The following ATP2C2 variants were observed in gnomAD, a reference collection of about 807,000 sequenced individuals.
The protein encoded by ATP2C2 is calcium-transporting ATPase type 2C member 2.
A neutral mutation model predicts 110.8 loss-of-function variants in ATP2C2; 171 were observed. That is an observed-to-expected ratio of 1.54 (90% CI 1.36 to 1.75). The LOEUF (loss-of-function observed/expected upper bound fraction) is 1.75. ATP2C2 is among the 40% of genes most tolerant of loss of function. The probability of loss-of-function intolerance (pLI) is 0.00; values close to 1 mark genes in which losing one functional copy is unlikely to be tolerated. For synonymous variants in ATP2C2, 804 were observed against 508.4 expected, an observed-to-expected ratio of 1.58 and a Z score of -7.82; for missense variants, 1,963 against 1,235.0, an observed-to-expected ratio of 1.59 and a Z score of -8.84.
intron 1 of ATP2C2, among the ~76,000 whole-genome samples, chr16:84,390,458 G>A (rs1904584548): frequency 6.6e-6 from 1 of 152,194 alleles, no homozygotes; most frequent in African/African-American, 2.4e-5. Context: ...CGTTTCCTTG[G>A]GGCTAGGGAG....
At chr16:84,386,277 C>T (rs375231049) in intron 1 of ATP2C2, among the ~76,000 whole-genome samples, 5 of 152,294 alleles carry the variant, frequency 3.3e-5, no homozygotes, top group South Asian at 2.1e-4. Flanking sequence ...GCATATGCTG[C>T]GAGATCTATA....
At position 84,422,833 on chromosome 16, in the gene ATP2C2, AT is replaced by A. The variant is rs34915415; in HGVS notation, c.843+147del. The A allele has an allele frequency of 6.2e-3, 5,213 of 834,386 alleles. 1 individual carries two copies. Among genetic ancestry groups the A allele is most frequent in the Non-Finnish European group, 6.8e-3 (3,958 of 578,194 alleles). The allele number at this position is 834,386 out of a possible 1,614,324, so 51.7% of individuals were successfully genotyped here. On this transcript the variant is annotated intron_variant, in intron 9 of 26. Coordinates refer to ENST00000262429, the MANE Select transcript of ATP2C2 (RefSeq NM_014861.4). ...TATGAGTATACTTTTTAAACATTTAATTTTTTTTTTTAATAGAGACAGGGTT... is the reference window on the plus strand; with the variant it reads ...TATGAGTATACTTTTTAAACATTTAATTTTTTTTTTAATAGAGACAGGGTT...
intron 1 of ATP2C2, among the ~76,000 whole-genome samples, chr16:84,390,068 T>C (rs1163800352): frequency 5.9e-5 from 9 of 152,208 alleles, no homozygotes; most frequent in Non-Finnish European, 8.8e-5. Context: ...CCGGCTGTTA[T>C]ACCCTTAGCC....
intron 3 of ATP2C2, 95 bp from the exon 4 acceptor site, chr16:84,408,310 C>A (rs1179299835): frequency 1.6e-6 from 2 of 1,217,142 alleles, no homozygotes; most frequent in Admixed American, 1.7e-5. Flanking sequence ...TGGCCCTGAA[C>A]TGAGACCCCT....
intron 2 of ATP2C2, among the ~76,000 whole-genome samples, chr16:84,399,019 C>T (rs943075046): frequency 6.6e-6 from 1 of 152,256 alleles, no homozygotes; most frequent in Non-Finnish European, 1.5e-5. Context: ...GGTATTCCCA[C>T]CGTCGTCTTT....
At chr16:84,450,190 T>A (rs967759447) in intron 17 of ATP2C2, among the ~76,000 whole-genome samples, 2 of 152,358 alleles carry the variant, frequency 1.3e-5, no homozygotes, top group African/African-American at 4.8e-5. Flanking sequence ...CAAATGGACT[T>A]GTCTTCCACC....
intron 4 of ATP2C2, among the ~76,000 whole-genome samples, chr16:84,409,635 GGT>G (rs1906093703): frequency 6.6e-6 from 1 of 152,108 alleles, no homozygotes; most frequent in African/African-American, 2.4e-5. Context: ...TGGGATTACA[GGT>G]GCCCGCCACC....
Position 84,408,581 on chromosome 16 carries a change from A to G in ATP2C2, c.417+87A>G, listed in dbSNP as rs534491497. ...TTGTTATTGTATATAAAGAAAAAAA[A>G]GAGTTTGCTGTAGGGGGGAAAAAGG... On this transcript the variant is annotated intron_variant, in intron 4 of 26. Transcript: ENST00000262429. 2,478 of 1,104,746 alleles carry G rather than the reference A, an allele frequency of 2.2e-3. 55 individuals are homozygous for G. The African/African-American group carries it at 0.035, about 16-fold the overall frequency. 68.4% of individuals were successfully genotyped at this position (1,104,746 alleles called of 1,614,324 possible). A position where few individuals can be genotyped will look rare whatever the true frequency, so the allele number is the denominator to read the frequency against.
intron 2 of ATP2C2, 21 bp from the exon 3 acceptor site, chr16:84,405,107 G>C (rs752622120): frequency 1.2e-6 from 2 of 1,606,034 alleles, no homozygotes; most frequent in South Asian, 1.1e-5. Flanking sequence ...GAGTGAGCTT[G>C]TGCCTGACCT....
intron 1 of ATP2C2, among the ~76,000 whole-genome samples, chr16:84,394,238 C>G (rs752359976): frequency 6.6e-6 from 1 of 152,014 alleles, no homozygotes; most frequent in Non-Finnish European, 1.5e-5. Context: ...ATAACAAAAT[C>G]AACCATCTCA....
intron 13 of ATP2C2, 61 bp from the exon 14 acceptor site, chr16:84,440,796 C>T (rs1465182713): frequency 9.1e-6 from 12 of 1,322,380 alleles, no homozygotes; most frequent in Admixed American, 3.9e-5. Context: ...AGATTGTGGG[C>T]CAACTGGGGG....
intron 25 of ATP2C2, 81 bp from the exon 26 acceptor site, chr16:84,461,907 C>T: frequency 2.5e-6 from 4 of 1,605,758 alleles, no homozygotes; most frequent in Non-Finnish European, 2.6e-6. Context: ...GGCTCTGGCT[C>T]AGCGTGGGCA....
At chr16:84,376,207 T>C (rs553243012) in intron 1 of ATP2C2, among the ~76,000 whole-genome samples, 1 of 152,042 alleles carries the variant, frequency 6.6e-6, no homozygotes, top group Admixed American at 6.5e-5. Flanking sequence ...ACAGGGGAGT[T>C]TGGAATGACC....
chr16:84,453,279 C>A, intron 19 of ATP2C2, 42 bp from the exon 20 acceptor site: 1 of 1,614,048 alleles, frequency 6.2e-7, no homozygotes, highest in East Asian at 2.2e-5. Flanking sequence ...TGGGTCACAG[C>A]TTTGAAATCT....
intron 26 of ATP2C2, chr16:84,462,417 C>T (rs941816822): frequency 2.4e-5 from 8 of 332,878 alleles, no homozygotes; most frequent in Non-Finnish European, 3.4e-5. Context: ...GCTCAGAGCA[C>T]GTGCAGGGAG....
At chr16:84,441,118 G>C (rs16973807) in intron 14 of ATP2C2, among the ~76,000 whole-genome samples, 160 bp downstream of exon 14, 7,178 of 152,276 alleles carry the variant, frequency 0.047, 210 homozygotes, top group Admixed American at 0.079. Flanking sequence ...GGCCTCAAAA[G>C]TGATGGAGAC....
chr16:84,375,200 T>A (rs1046589385), intron 1 of ATP2C2, among the ~76,000 whole-genome samples: 7 of 152,196 alleles, frequency 4.6e-5, no homozygotes, highest in African/African-American at 1.7e-4. Flanking sequence ...TAGAAGCATA[T>A]GTAATGACAC....
intron 21 of ATP2C2, among the ~76,000 whole-genome samples, chr16:84,458,506 AAATT>A: frequency 2.2e-4 from 2 of 9,282 alleles, no homozygotes; most frequent in African/African-American, 4.9e-4. Context: ...AAAAAAAAAA[AAATT>A]TAAATAAAAA....
At position 84,462,038 on chromosome 16, in the gene ATP2C2, C is replaced by CTCCGTCCTGGGG. The variant is rs757568085; in HGVS notation, c.2635_2646dup (p.Val879_Ser882dup). The CTCCGTCCTGGGG allele has an allele frequency of 3.7e-6, 6 of 1,613,998 alleles. No homozygotes were observed. The highest frequency in any genetic ancestry group is 1.3e-5 in the African/African-American group (1 of 74,918). ...TTCTCAGGAACCACATGTTCCTCTA[C>CTCCGTCCTGGGG]TCCGTCCTGGGGTCCATCCTGGGGC... On this transcript the variant is annotated inframe_insertion, in exon 26 of 27. Transcript: ENST00000262429.
Sources: gnomAD v4.1 joint callset for allele counts (sites outside exome capture counted in the v4.1 genomes callset) on GRCh38, gnomAD v4.1.1 for gene constraint, MANE v1.5 for transcripts, NCBI Gene and HGNC (gene_info 2026-07-23, HGNC 2026-07-21) for gene names.